Variants in PCDH9 observed in about 807,000 individuals in gnomAD.
The protein encoded by PCDH9 is protocadherin 9, also known as protocadherin-9.
PCDH9 carries 24 observed loss-of-function variants against 70.6 expected under a neutral mutation model. The ratio of observed to expected loss-of-function variants is 0.34; its 90% confidence interval spans 0.25 to 0.48. The LOEUF (loss-of-function observed/expected upper bound fraction) is 0.48. Ranked by LOEUF, PCDH9 falls within the 20% of genes least tolerant of loss-of-function variation. The pLI, the probability that PCDH9 is intolerant of heterozygous loss-of-function variation, is 0.99. For missense variants in PCDH9, 1,281 were observed against 1,503.6 expected, an observed-to-expected ratio of 0.85 and a Z score of 2.45; for synonymous variants, 562 against 558.5, an observed-to-expected ratio of 1.01 and a Z score of -0.09.
chr13:67,079,561 A>C (rs2085943666), intron 2 of PCDH9, among the ~76,000 whole-genome samples: 1 of 152,166 alleles, frequency 6.6e-6, no homozygotes, highest in East Asian at 1.9e-4. Flanking sequence ...AAGTAAAAAG[A>C]TTTTATACCA....
chr13:66,666,268 G>A (rs2078095612), intron 3 of PCDH9, among the ~76,000 whole-genome samples: 1 of 152,110 alleles, frequency 6.6e-6, no homozygotes, highest in Admixed American at 6.5e-5. Context: ...AGACTAGGTG[G>A]AGGCCCTGGG....
intron 4 of PCDH9, among the ~76,000 whole-genome samples, chr13:66,335,830 T>A (rs1956028116): frequency 6.6e-6 from 1 of 152,100 alleles, no homozygotes; most frequent in Admixed American, 6.6e-5. Context: ...CAGTAACATA[T>A]TAGTATAAAG....
At chr13:66,407,812 T>G (rs559111949) in intron 4 of PCDH9, among the ~76,000 whole-genome samples, 37 of 152,196 alleles carry the variant, frequency 2.4e-4, no homozygotes, top group African/African-American at 8.4e-4. Context: ...TTTTAGACAC[T>G]GGGAAAAAAA....
chr13:66,850,110 T>A (rs1017854744), intron 3 of PCDH9, among the ~76,000 whole-genome samples: 5 of 152,160 alleles, frequency 3.3e-5, no homozygotes, highest in African/African-American at 1.2e-4. Context: ...ATTACAACAA[T>A]AATTTTGTGC....
chr13:66,841,695 T>A (rs533406999), intron 3 of PCDH9, among the ~76,000 whole-genome samples: 45 of 152,258 alleles, frequency 3.0e-4, no homozygotes, highest in African/African-American at 1.0e-3. Flanking sequence ...ATATCAAATA[T>A]AATAAAAATT....
intron 3 of PCDH9, among the ~76,000 whole-genome samples, chr13:66,729,226 C>A (rs2079041760): frequency 6.6e-6 from 1 of 151,992 alleles, no homozygotes; most frequent in South Asian, 2.1e-4. Context: ...TCCTTCCCAG[C>A]CAAATGATTC....
At chr13:66,834,251 G>A (rs1200772092) in intron 3 of PCDH9, among the ~76,000 whole-genome samples, 2 of 141,310 alleles carry the variant, frequency 1.4e-5, no homozygotes, top group African/African-American at 5.2e-5. Flanking sequence ...TCCGTCCCCC[G>A]AGCTCAAGCA....
chr13:66,868,799 T>C (rs910088236), intron 3 of PCDH9, among the ~76,000 whole-genome samples: 9 of 152,148 alleles, frequency 5.9e-5, no homozygotes, highest in Admixed American at 2.0e-4. Context: ...AAATTAGTTG[T>C]ATATCAGACT....
At chr13:66,692,195 T>G (rs1232790908) in intron 3 of PCDH9, among the ~76,000 whole-genome samples, 2 of 152,130 alleles carry the variant, frequency 1.3e-5, no homozygotes, top group Non-Finnish European at 2.9e-5. Context: ...GAGACATCCA[T>G]TAACCTGGAA....
intron 2 of PCDH9, among the ~76,000 whole-genome samples, chr13:67,037,015 T>C (rs2085022655): frequency 6.6e-6 from 1 of 152,142 alleles, no homozygotes; most frequent in African/African-American, 2.4e-5. Context: ...GGGTTTAACA[T>C]ACACCCAGCA....
At chr13:66,900,361 A>T (rs2082257159) in intron 3 of PCDH9, among the ~76,000 whole-genome samples, 1 of 151,910 alleles carries the variant, frequency 6.6e-6, no homozygotes, top group African/African-American at 2.4e-5. Flanking sequence ...TTCTAATATT[A>T]AAAACCCCTT....
At chr13:66,441,655 A>T (rs1957975783) in intron 4 of PCDH9, among the ~76,000 whole-genome samples, 1 of 152,062 alleles carries the variant, frequency 6.6e-6, no homozygotes, top group South Asian at 2.1e-4. Flanking sequence ...CAATAAAAAC[A>T]TTCAGGACAA....
chr13:66,492,101 A>G (rs1260585396), intron 4 of PCDH9, among the ~76,000 whole-genome samples: 1 of 152,152 alleles, frequency 6.6e-6, no homozygotes, highest in Non-Finnish European at 1.5e-5. Context: ...CTTAAAAGAG[A>G]TCTTAAAGAG....
At chr13:66,367,135 CCCAAA>C (rs1450086507) in intron 4 of PCDH9, among the ~76,000 whole-genome samples, 1 of 151,880 alleles carries the variant, frequency 6.6e-6, no homozygotes, top group Non-Finnish European at 1.5e-5. Flanking sequence ...CATATGTCTA[CCCAAA>C]CCAAACCAAT....
intron 4 of PCDH9, among the ~76,000 whole-genome samples, chr13:66,549,768 C>A (rs1961396448): frequency 1.3e-5 from 2 of 151,956 alleles, no homozygotes; most frequent in South Asian, 2.1e-4. Flanking sequence ...GCCTGTAATC[C>A]CAGCACTTTG....
chr13:66,754,087 T>C (rs1433423038), intron 3 of PCDH9, among the ~76,000 whole-genome samples: 3 of 152,160 alleles, frequency 2.0e-5, no homozygotes, highest in Non-Finnish European at 4.4e-5. Flanking sequence ...ATTTCTTGAC[T>C]TTTATTCTCT....
chr13:66,659,539 T>TGTGTGTGTGTGTGTG (rs1566487710), intron 3 of PCDH9, among the ~76,000 whole-genome samples: 1 of 30,270 alleles, frequency 3.3e-5, no homozygotes, highest in African/African-American at 1.8e-4. Flanking sequence ...TAAGTTATGT[T>TGTGTGTGTGTGTGTG]TGTGTGTGTG....
intron 2 of PCDH9, among the ~76,000 whole-genome samples, chr13:66,987,824 A>G (rs2083924677): frequency 6.6e-6 from 1 of 152,090 alleles, no homozygotes; most frequent in African/African-American, 2.4e-5. Context: ...AAATGGATTC[A>G]GAATGTTCTC....
At chr13:66,667,791 G>T (rs1038960523) in intron 3 of PCDH9, among the ~76,000 whole-genome samples, 2 of 151,876 alleles carry the variant, frequency 1.3e-5, no homozygotes, top group East Asian at 3.9e-4. Context: ...ATTATAACTT[G>T]CCAATATAAT....
Sources: allele counts gnomAD v4.1 joint callset (sites outside exome capture counted in the v4.1 genomes callset), GRCh38; gene constraint gnomAD v4.1.1; transcripts MANE v1.5; gene names NCBI Gene and HGNC (gene_info 2026-07-23, HGNC 2026-07-21).